SKAP1: variants seen among roughly 807,000 people sequenced by gnomAD.
The protein encoded by SKAP1 is src kinase associated phosphoprotein 1, also known as src kinase-associated phosphoprotein 1.
SKAP1 carries 44 observed loss-of-function variants against 58.5 expected under a neutral mutation model. That is an observed-to-expected ratio of 0.75 (90% CI 0.59 to 0.97). SKAP1 has a LOEUF of 0.97. SKAP1 is among the 50% of genes least tolerant of loss of function. The pLI is 0.00. For synonymous variants in SKAP1, 127 were observed against 149.7 expected (o/e 0.85, Z 1.11); for missense variants, 390 against 435.2 (o/e 0.90, Z 0.92).
At chr17:48,403,004 G>C (rs1276269359) in intron 1 of SKAP1, among the ~76,000 whole-genome samples, 1 of 152,094 alleles carries the variant, frequency 6.6e-6, no homozygotes, top group Non-Finnish European at 1.5e-5. Flanking sequence ...ACAATTCTGT[G>C]AATATACTAG....
At chr17:48,253,140 G>T (rs2065385696) in intron 4 of SKAP1, among the ~76,000 whole-genome samples, 1 of 152,102 alleles carries the variant, frequency 6.6e-6, no homozygotes, top group African/African-American at 2.4e-5. Context: ...CTTACTAAAG[G>T]GGGGCTGTCA....
At chr17:48,184,252 C>T (rs563195815) in intron 7 of SKAP1, among the ~76,000 whole-genome samples, 36 of 150,836 alleles carry the variant, frequency 2.4e-4, no homozygotes, top group African/African-American at 8.5e-4. Flanking sequence ...CAGAGATATG[C>T]AAAGCATCTA....
intron 4 of SKAP1, among the ~76,000 whole-genome samples, chr17:48,327,994 G>A (rs982559946): frequency 6.6e-6 from 1 of 152,158 alleles, no homozygotes; most frequent in African/African-American, 2.4e-5. Flanking sequence ...AGCTCACTGC[G>A]ATGTCCATAA....
At chr17:48,247,513 C>T (rs756750995) in intron 4 of SKAP1, among the ~76,000 whole-genome samples, 3 of 152,136 alleles carry the variant, frequency 2.0e-5, no homozygotes, top group Non-Finnish European at 4.4e-5. Context: ...ATTTTCTTTA[C>T]TCAATGATTT....
At chr17:48,391,323 A>G (rs1183366509) in intron 2 of SKAP1, among the ~76,000 whole-genome samples, 1 of 152,224 alleles carries the variant, frequency 6.6e-6, no homozygotes, top group Non-Finnish European at 1.5e-5. Flanking sequence ...AGAGTTATAC[A>G]TTTCAAAGCT....
intron 4 of SKAP1, among the ~76,000 whole-genome samples, chr17:48,236,885 G>A (rs2065186691): frequency 6.6e-6 from 1 of 152,188 alleles, no homozygotes; most frequent in African/African-American, 2.4e-5. Context: ...TTGTCAAGTA[G>A]TTACATTTCT....
intron 1 of SKAP1, among the ~76,000 whole-genome samples, chr17:48,421,918 T>A (rs1000773985): frequency 6.6e-6 from 1 of 152,136 alleles, no homozygotes; most frequent in South Asian, 2.1e-4. Flanking sequence ...TTTGAAAGAA[T>A]CCCTAAAAGT....
chr17:48,140,749 CCTTCTTCTTCTTTCTT>C (rs1436192849), intron 11 of SKAP1, among the ~76,000 whole-genome samples: 1 of 151,070 alleles, frequency 6.6e-6, no homozygotes, highest in Non-Finnish European at 1.5e-5. Context: ...TTCACTTTCA[CCTTCTTCTTCTTTCTT>C]CTTCTTCTTC....
At chr17:48,414,382 C>G (rs150958589) in intron 1 of SKAP1, among the ~76,000 whole-genome samples, 3 of 152,002 alleles carry the variant, frequency 2.0e-5, no homozygotes, top group Non-Finnish European at 4.4e-5. Flanking sequence ...TGCAGAGGTC[C>G]AGAGGTGAGA....
At position 48,283,134 on chromosome 17, in the gene SKAP1, T is replaced by G. The variant is rs1262716740; in HGVS notation, c.280+62771A>C. On this transcript the variant is annotated intron_variant, in intron 4 of 12. Coordinates refer to ENST00000336915, the MANE Select transcript of SKAP1 (RefSeq NM_003726.4). ...AGACGTGTTGGGCATTTGTAAAATA[T>G]AGGTAATATCAAGAGACTCCTGCTG... 2.6e-5 allele frequency among the ~76,000 whole-genome samples: 4 copies of G among 152,152 alleles called. No individual in the cohort carries two copies. In the East Asian group the frequency reaches 7.7e-4, roughly 29 times the overall value.
At chr17:48,395,715 C>T (rs1446349287) in intron 2 of SKAP1, among the ~76,000 whole-genome samples, 12 of 152,132 alleles carry the variant, frequency 7.9e-5, no homozygotes, top group Non-Finnish European at 1.0e-4. Context: ...TACACAGTCC[C>T]CAGTTGCTGA....
intron 1 of SKAP1, among the ~76,000 whole-genome samples, chr17:48,428,766 C>T (rs1392777718): frequency 2.6e-5 from 4 of 152,156 alleles, no homozygotes; most frequent in African/African-American, 9.7e-5. Flanking sequence ...CTTCACAAGC[C>T]TAATATTAAA....
At chr17:48,202,205 T>C (rs527303472) in intron 4 of SKAP1, among the ~76,000 whole-genome samples, 28 of 152,280 alleles carry the variant, frequency 1.8e-4, no homozygotes, top group East Asian at 1.2e-3. Context: ...GAGTACTGCA[T>C]TGAGAAAACT....
At chr17:48,443,727 T>C in the SKAP1 span, among the ~76,000 whole-genome samples, 1 of 152,176 alleles carries the variant, frequency 6.6e-6, no homozygotes, top group African/African-American at 2.4e-5. Flanking sequence ...CCACTCACCT[T>C]GGCCTCCCAA....
chr17:48,293,020 C>A (rs9898383), intron 4 of SKAP1, among the ~76,000 whole-genome samples: 1 of 152,018 alleles, frequency 6.6e-6, no homozygotes, highest in South Asian at 2.1e-4. Context: ...TGAAAATATA[C>A]GTCGTAAAAC....
chr17:48,257,008 GGAT>G (rs2065430658), intron 4 of SKAP1, among the ~76,000 whole-genome samples: 1 of 151,876 alleles, frequency 6.6e-6, no homozygotes, highest in African/African-American at 2.4e-5. Context: ...TTAAGCACAA[GGAT>G]GATACTAAAG....
intron 4 of SKAP1, among the ~76,000 whole-genome samples, chr17:48,326,178 A>G (rs2066434746): frequency 6.6e-6 from 1 of 152,230 alleles, no homozygotes; most frequent in South Asian, 2.1e-4. Context: ...ATTATAAACA[A>G]TCTGGTAATG....
intron 8 of SKAP1, among the ~76,000 whole-genome samples, chr17:48,181,529 ATTC>A (rs1236302673): frequency 1.3e-5 from 2 of 152,170 alleles, no homozygotes; most frequent in Non-Finnish European, 2.9e-5. Flanking sequence ...AAAACAGGCA[ATTC>A]TTGTAATTAA....
intron 2 of SKAP1, among the ~76,000 whole-genome samples, chr17:48,364,101 A>G (rs767811608): frequency 2.6e-5 from 4 of 152,228 alleles, no homozygotes; most frequent in Non-Finnish European, 4.4e-5. Context: ...TTTCTCATCA[A>G]GAGCTCTACG....
Sources: gnomAD v4.1 joint callset for allele counts (sites outside exome capture counted in the v4.1 genomes callset) on GRCh38, gnomAD v4.1.1 for gene constraint, MANE v1.5 for transcripts, NCBI Gene and HGNC (gene_info 2026-07-23, HGNC 2026-07-21) for gene names.